Variants in PTPRD observed in about 807,000 individuals in gnomAD.
The protein encoded by PTPRD is receptor-type tyrosine-protein phosphatase delta.
A neutral mutation model predicts 214.5 loss-of-function variants in PTPRD; 34 were observed. The ratio of observed to expected loss-of-function variants is 0.16; its 90% CI spans 0.12 to 0.21. PTPRD has a LOEUF of 0.21. Among genes scored for constraint, PTPRD ranks in the 10% least tolerant of loss-of-function variants. The probability of loss-of-function intolerance (pLI) is 1.00; values close to 1 mark genes in which losing one functional copy is unlikely to be tolerated. For synonymous variants in PTPRD, 1,128 were observed against 845.7 expected, an observed-to-expected ratio of 1.33 and a Z score of -5.79; for missense variants, 2,545 against 2,398.7, an observed-to-expected ratio of 1.06 and a Z score of -1.27.
At chr9:10,304,213 GC>G (rs1565163928) in intron 3 of PTPRD, among the ~76,000 whole-genome samples, 1 of 152,004 alleles carries the variant, frequency 6.6e-6, no homozygotes. Flanking sequence ...AAATTCAACA[GC>G]CCTTCATGCA....
At chr9:10,414,163 G>T (rs927489855) in intron 2 of PTPRD, among the ~76,000 whole-genome samples, 1 of 151,816 alleles carries the variant, frequency 6.6e-6, no homozygotes, top group Non-Finnish European at 1.5e-5. Flanking sequence ...GCAGAGTAAA[G>T]AGACAACCTA....
At chr9:8,364,385 A>G (rs994524854) in intron 39 of PTPRD, among the ~76,000 whole-genome samples, 1 of 152,254 alleles carries the variant, frequency 6.6e-6, no homozygotes, top group Non-Finnish European at 1.5e-5. Flanking sequence ...CAATATTGAC[A>G]AATTTCTTTC....
At chr9:10,474,853 T>C (rs932939568) in intron 2 of PTPRD, among the ~76,000 whole-genome samples, 1 of 151,986 alleles carries the variant, frequency 6.6e-6, no homozygotes, top group Non-Finnish European at 1.5e-5. Flanking sequence ...CAGAACTACA[T>C]GGAAACTGAA....
At chr9:9,920,953 G>A (rs1431010139) in intron 5 of PTPRD, among the ~76,000 whole-genome samples, 1 of 152,110 alleles carries the variant, frequency 6.6e-6, no homozygotes, top group Admixed American at 6.6e-5. Flanking sequence ...ACTAAAATCT[G>A]ACAGAGCGAA....
chr9:10,494,023 G>C (rs1281868644), intron 2 of PTPRD, among the ~76,000 whole-genome samples: 1 of 151,792 alleles, frequency 6.6e-6, no homozygotes, highest in African/African-American at 2.4e-5. Flanking sequence ...TTGTATACCA[G>C]ATGCCTTCTT....
At chr9:9,303,216 A>G (rs1364201162) in intron 9 of PTPRD, among the ~76,000 whole-genome samples, 3 of 151,988 alleles carry the variant, frequency 2.0e-5, no homozygotes, top group Non-Finnish European at 4.4e-5. Context: ...CCATTATCCT[A>G]TTTTTATACA....
intron 9 of PTPRD, among the ~76,000 whole-genome samples, chr9:9,281,642 T>C (rs1947737545): frequency 1.3e-5 from 2 of 151,330 alleles, no homozygotes; most frequent in African/African-American, 4.8e-5. Context: ...TCTCATTTAT[T>C]GTGGTGGGAA....
In PTPRD at chr9:8,652,667, T is replaced by A. The variant is rs74623507; in HGVS notation, c.65-15823A>T. On this transcript the variant is annotated intron_variant, in intron 12 of 45. Transcript: ENST00000381196. ...TAGGGATTCCACTTGTATAATAACA[T>A]TGGCCTTTTTGCACCACTCTAAAAT... is the stretch of plus-strand genomic sequence containing the variant. Among the ~76,000 whole-genome samples, 4 of 152,336 alleles carry A rather than the reference T, an allele frequency of 2.6e-5. No homozygotes were observed. In the East Asian group the frequency reaches 7.7e-4, roughly 29 times the overall value.
intron 9 of PTPRD, among the ~76,000 whole-genome samples, chr9:9,356,838 A>C (rs1163548647): frequency 1.3e-5 from 2 of 151,388 alleles, no homozygotes; most frequent in African/African-American, 2.4e-5. Context: ...AATTCAATAC[A>C]AAAACATTCC....
chr9:10,030,238 A>G (rs1178971151), intron 4 of PTPRD, among the ~76,000 whole-genome samples: 2 of 152,212 alleles, frequency 1.3e-5, no homozygotes, highest in Non-Finnish European at 2.9e-5. Context: ...GAGTTAAATG[A>G]TAAGATAGGT....
At chr9:9,611,916 T>G (rs2094533646) in intron 7 of PTPRD, among the ~76,000 whole-genome samples, 1 of 152,148 alleles carries the variant, frequency 6.6e-6, no homozygotes, top group Admixed American at 6.5e-5. Context: ...CTGTAGTAAT[T>G]TCATATACAT....
intron 11 of PTPRD, among the ~76,000 whole-genome samples, chr9:9,010,170 G>A (rs2099503077): frequency 6.6e-6 from 1 of 152,120 alleles, no homozygotes; most frequent in Admixed American, 6.6e-5. Context: ...TCAGTAGATG[G>A]TTGATGCAGT....
intron 8 of PTPRD, among the ~76,000 whole-genome samples, chr9:9,484,775 G>T (rs988724834): frequency 6.6e-6 from 1 of 152,050 alleles, no homozygotes; most frequent in East Asian, 1.9e-4. Flanking sequence ...CAAAGTGTCT[G>T]GTTCTGGAGC....
chr9:8,943,954 T>A (rs2099048859), intron 11 of PTPRD, among the ~76,000 whole-genome samples: 1 of 151,616 alleles, frequency 6.6e-6, no homozygotes, highest in Non-Finnish European at 1.5e-5. Flanking sequence ...ATCAACAAAA[T>A]GAAGAGACAA....
intron 9 of PTPRD, among the ~76,000 whole-genome samples, chr9:9,274,330 C>T (rs778120104): frequency 1.6e-4 from 24 of 151,344 alleles, no homozygotes; most frequent in Non-Finnish European, 3.1e-4. Context: ...CTCTCCCAAA[C>T]AAGTACAGCA....
At chr9:9,069,143 T>C (rs1323347981) in intron 10 of PTPRD, among the ~76,000 whole-genome samples, 2 of 152,188 alleles carry the variant, frequency 1.3e-5, no homozygotes, top group African/African-American at 4.8e-5. Context: ...TAAAGGTTTC[T>C]CAAGGTGGAA....
chr9:9,543,892 T>A (rs2078162525), intron 8 of PTPRD, among the ~76,000 whole-genome samples: 1 of 151,690 alleles, frequency 6.6e-6, no homozygotes, highest in South Asian at 2.1e-4. Flanking sequence ...TTATTAAACG[T>A]ATATTAGAAG....
intron 11 of PTPRD, among the ~76,000 whole-genome samples, chr9:8,979,259 T>TA (rs2099291414): frequency 6.6e-6 from 1 of 152,250 alleles, no homozygotes; most frequent in African/African-American, 2.4e-5. Flanking sequence ...GAAGTATTCC[T>TA]AAAAAACTGA....
chr9:9,795,389 C>G (rs2098995416), intron 5 of PTPRD, among the ~76,000 whole-genome samples: 1 of 152,096 alleles, frequency 6.6e-6, no homozygotes, highest in Non-Finnish European at 1.5e-5. Context: ...GGCTAGAGAT[C>G]TGATCACAAT....
Sources: allele counts gnomAD v4.1 joint callset (sites outside exome capture counted in the v4.1 genomes callset), GRCh38; gene constraint gnomAD v4.1.1; transcripts MANE v1.5; gene names NCBI Gene and HGNC (gene_info 2026-07-23, HGNC 2026-07-21).